The following ULK4 variants were observed in gnomAD, a reference collection of about 807,000 sequenced individuals.
The protein encoded by ULK4 is unc-51 like kinase 4.
ULK4 carries 133 observed loss-of-function variants against 160.6 expected under a neutral mutation model. That is an observed-to-expected ratio of 0.83 (90% CI 0.72 to 0.96). ULK4 has a LOEUF of 0.96. Among genes scored for constraint, ULK4 ranks in the 40% least tolerant of loss-of-function variants. The probability of loss-of-function intolerance (pLI) is 0.00; values close to 1 mark genes in which losing one functional copy is unlikely to be tolerated. For missense variants in ULK4, 1,580 were observed against 1,499.5 expected, an observed-to-expected ratio of 1.05 and a Z score of -0.89; for synonymous variants, 534 against 539.8, an observed-to-expected ratio of 0.99 and a Z score of 0.15.
chr3:41,873,664 C>T lies in ULK4; in HGVS notation c.1656+10210G>A, dbSNP rs1485329499. On this transcript the variant is annotated intron_variant, in intron 17 of 36. Transcript: ENST00000301831. ...TGCCTCCCGGGTTCAAGCGATTCTCCTGCCTTAGTCTCTCGAGTAACTGAG... is the reference window on the plus strand; with the variant it reads ...TGCCTCCCGGGTTCAAGCGATTCTCTTGCCTTAGTCTCTCGAGTAACTGAG... 3.3e-5 allele frequency among the ~76,000 whole-genome samples: 5 copies of T among 152,266 alleles called. No homozygotes were observed. In the East Asian group the frequency reaches 5.8e-4, roughly 18 times the overall value.
At chr3:41,395,479 G>C (rs954734635) in intron 35 of ULK4, among the ~76,000 whole-genome samples, 10 of 152,082 alleles carry the variant, frequency 6.6e-5, no homozygotes, top group Admixed American at 2.0e-4. Flanking sequence ...GCTACATCAT[G>C]AATTAACCTT....
At position 41,418,546 on chromosome 3, in the gene ULK4, T is replaced by C. The variant is rs373528472; in HGVS notation, c.3493-20282A>G. 4.1e-4 allele frequency among the ~76,000 whole-genome samples: 62 copies of C among 152,348 alleles called. No homozygotes were observed. The East Asian group carries it at 9.8e-3, about 24-fold the overall frequency. On this transcript the variant is annotated intron_variant, in intron 34 of 36. Transcript: ENST00000301831. ...AAGTGACTGCTTTAACTACTTTTTC[T>C]GGTCTTCATTTCCTAATCTAGTCTT...
At chr3:41,584,878 GAAGTA>G (rs572066541) in intron 31 of ULK4, among the ~76,000 whole-genome samples, 9 of 152,004 alleles carry the variant, frequency 5.9e-5, no homozygotes, top group South Asian at 2.1e-4. Context: ...ATCTGAAGAA[GAAGTA>G]AAGAAAACAT....
rs192929061 is a variant in ULK4 at position 41,859,686 on chromosome 3, C to T, written c.1657-23715G>A. ...GTTTTGTTTGTTTTTTAGACAGAGT[C>T]TCACTCTTTCACCCAGGCTGGAGTG... On this transcript the variant is annotated intron_variant, in intron 17 of 36. Transcript: ENST00000301831. The T allele has an allele frequency of 1.8e-3, 678 of 386,602 alleles. 4 individuals carry two copies. The highest frequency in any genetic ancestry group is 8.6e-3 in the Middle Eastern group (9 of 1,048). 23.9% of individuals were successfully genotyped at this position (386,602 alleles called of 1,614,324 possible). A position where few individuals can be genotyped will look rare whatever the true frequency, so the allele number is the denominator to read the frequency against.
chr3:41,435,943 G>A (rs559516500), intron 34 of ULK4, among the ~76,000 whole-genome samples: 96 of 111,692 alleles, frequency 8.6e-4, no homozygotes, highest in African/African-American at 3.2e-3. Context: ...GCAAGACTCC[G>A]TCTCATTCAT....
chr3:41,913,374 C>T lies in ULK4; in HGVS notation c.804-475G>A, dbSNP rs193066213. Among the ~76,000 whole-genome samples, 1,244 of 152,042 alleles carry T rather than the reference C, an allele frequency of 8.2e-3. 12 individuals are homozygous for T. Among genetic ancestry groups the T allele is most frequent in the African/African-American group, 0.029 (1,197 of 41,472 alleles). On this transcript the variant is annotated intron_variant, in intron 8 of 36. Transcript: ENST00000301831. ...CCGAGTGGCTGGGACTACAGGCGTC[C>T]GCCACCACGCCTGGATAATTTTTTG...
At chr3:41,619,432 C>T (rs1227937685) in intron 30 of ULK4, among the ~76,000 whole-genome samples, 3 of 152,142 alleles carry the variant, frequency 2.0e-5, no homozygotes, top group Admixed American at 2.0e-4. Flanking sequence ...GTATCTCAGA[C>T]CACAGTGCAA....
intron 34 of ULK4, among the ~76,000 whole-genome samples, chr3:41,411,171 C>A (rs1225593646): frequency 1.3e-5 from 2 of 152,142 alleles, no homozygotes; most frequent in Non-Finnish European, 2.9e-5. Flanking sequence ...ATCCTAAGGT[C>A]CCTCGAACAT....
intron 32 of ULK4, among the ~76,000 whole-genome samples, chr3:41,503,635 C>G (rs2085283672): frequency 6.6e-6 from 1 of 152,128 alleles, no homozygotes; most frequent in Admixed American, 6.5e-5. Flanking sequence ...CTCTGAAAAA[C>G]TAAATAATGA....
At chr3:41,775,014 T>C (rs1047333239) in intron 21 of ULK4, among the ~76,000 whole-genome samples, 9 of 139,074 alleles carry the variant, frequency 6.5e-5, no homozygotes, top group Admixed American at 1.6e-4. Flanking sequence ...TAGGTGGGAA[T>C]TGAACAATGG....
intron 32 of ULK4, among the ~76,000 whole-genome samples, chr3:41,495,026 A>G (rs904633805): frequency 2.6e-5 from 4 of 152,048 alleles, no homozygotes; most frequent in African/African-American, 9.7e-5. Flanking sequence ...TATAGATTCA[A>G]TGCCATCCCC....
At position 41,706,889 on chromosome 3, in the gene ULK4, G is replaced by GTGTGTGTA. The variant is rs1361024477; in HGVS notation, c.2635-1585_2635-1584insTACACACA. 5.2e-5 allele frequency among the ~76,000 whole-genome samples: 6 copies of GTGTGTGTA among 115,692 alleles called. No homozygotes were observed. The South Asian group carries it at 1.6e-3, about 31-fold the overall frequency. The allele number at this position is 115,692 out of a possible 152,430, so 75.9% of individuals were successfully genotyped here. The stretch of plus-strand genomic sequence containing the variant: ...TGTGTGTGTGTGTGTGTGTGTGTGT[G>GTGTGTGTA]TATATATATATAGAGAGAGAGAGAG... On this transcript the variant is annotated intron_variant, in intron 25 of 36. Coordinates refer to ENST00000301831, the MANE Select transcript of ULK4 (RefSeq NM_017886.4).
At chr3:41,291,999 T>C (rs1282119643) in intron 35 of ULK4, among the ~76,000 whole-genome samples, 3 of 151,738 alleles carry the variant, frequency 2.0e-5, no homozygotes, top group African/African-American at 7.3e-5. Flanking sequence ...CCCGGCTATT[T>C]TTTTTTGTAT....
rs150522403 is a variant in ULK4, at chr3:41,770,384, A to G, written c.2194-15896T>C. 6.6e-5 allele frequency among the ~76,000 whole-genome samples: 10 copies of G among 152,138 alleles called. No individual in the cohort carries two copies. In the East Asian group the frequency reaches 1.7e-3, roughly 26 times the overall value. On this transcript the variant is annotated intron_variant, in intron 21 of 36. Transcript: ENST00000301831. ...TCATGCTTTCCATGTTGACTGGGGA[A>G]TTTTTCTGTAGGGCGGTAACCACTT...
intron 12 of ULK4, among the ~76,000 whole-genome samples, chr3:41,907,258 C>T (rs1698603666): frequency 6.6e-6 from 1 of 151,692 alleles, no homozygotes; most frequent in South Asian, 2.1e-4. Flanking sequence ...TAGTTGCACA[C>T]CTCTGAATAT....
chr3:41,498,576 CTTTTTTTTT>C (rs56321420), intron 32 of ULK4, among the ~76,000 whole-genome samples: 27 of 144,228 alleles, frequency 1.9e-4, no homozygotes, highest in African/African-American at 6.9e-4. Flanking sequence ...TCTTTTTTTT[CTTTTTTTTT>C]TTTTTGCTTT....
In ULK4 at chr3:41,345,380, C is replaced by T. The variant is rs1379060241; in HGVS notation, c.3678+52699G>A. ...CAAAGACATGGAATCAACCTAAATA[C>T]TCAACAATGATAGACTGGATAAAGA... On this transcript the variant is annotated intron_variant, in intron 35 of 36. Coordinates refer to ENST00000301831, the MANE Select transcript of ULK4 (RefSeq NM_017886.4). 2.6e-5 allele frequency among the ~76,000 whole-genome samples: 4 copies of T among 152,158 alleles called. No individual in the cohort carries two copies. In the East Asian group the frequency reaches 7.7e-4, roughly 29 times the overall value.
At position 41,848,623 on chromosome 3, in the gene ULK4, G is replaced by C. The variant is rs372751857; in HGVS notation, c.1657-12652C>G. Among the ~76,000 whole-genome samples, 23 of 152,282 alleles carry C rather than the reference G, an allele frequency of 1.5e-4. No individual in the cohort carries two copies. The Middle Eastern group carries it at 0.014, about 90-fold the overall frequency. ...TGCAGCCAGCAAGGCTCTTGCTCAG[G>C]AATCTGAATCTGGACATAGAGTGAA... On this transcript the variant is annotated intron_variant, in intron 17 of 36. Coordinates refer to ENST00000301831, the MANE Select transcript of ULK4 (RefSeq NM_017886.4).
At chr3:41,387,941 A>G (rs1171613249) in intron 35 of ULK4, among the ~76,000 whole-genome samples, 1 of 152,204 alleles carries the variant, frequency 6.6e-6, no homozygotes, top group East Asian at 1.9e-4. Context: ...TCCCTGAGGA[A>G]TCGCCACACT....
Sources: gnomAD v4.1 joint callset for allele counts (sites outside exome capture counted in the v4.1 genomes callset) on GRCh38, gnomAD v4.1.1 for gene constraint, MANE v1.5 for transcripts, NCBI Gene and HGNC (gene_info 2026-07-23, HGNC 2026-07-21) for gene names.